CLIC5: variants seen among roughly 807,000 people sequenced by gnomAD.
CLIC5 encodes the protein chloride intracellular channel protein 5.
In CLIC5, 20 loss-of-function variants were observed where a neutral mutation model predicts 24.7. That is an observed-to-expected ratio of 0.81 (90% CI 0.57 to 1.18). CLIC5 has a LOEUF of 1.18. CLIC5 is among the 50% of genes most tolerant of loss of function. The pLI, the probability that CLIC5 is intolerant of heterozygous loss-of-function variation, is 0.00. For synonymous variants in CLIC5, 159 were observed against 135.6 expected (o/e 1.17, Z -1.20); for missense variants, 341 against 326.1 (o/e 1.05, Z -0.35).
At chr6:46,071,464 G>T (rs962321058) in intron 1 of CLIC5, among the ~76,000 whole-genome samples, 6 of 151,776 alleles carry the variant, frequency 4.0e-5, no homozygotes, top group Middle Eastern at 3.4e-3. Context: ...ACATACATGG[G>T]GCCAACAACC....
intron 1 of CLIC5, among the ~76,000 whole-genome samples, chr6:45,960,916 C>T (rs1764823818): frequency 6.6e-6 from 1 of 152,160 alleles, no homozygotes; most frequent in South Asian, 2.1e-4. Flanking sequence ...TTCCCTGGCT[C>T]CTCTCCCTCA....
At chr6:45,978,359 A>T (rs1765455306) in intron 1 of CLIC5, among the ~76,000 whole-genome samples, 1 of 152,182 alleles carries the variant, frequency 6.6e-6, no homozygotes, top group Admixed American at 6.5e-5. Flanking sequence ...ACAATGAGTG[A>T]TTCCTGAGCA....
intron 6 of CLIC5, among the ~76,000 whole-genome samples, chr6:45,892,566 G>A (rs1029153031): frequency 6.6e-6 from 1 of 152,138 alleles, no homozygotes; most frequent in African/African-American, 2.4e-5. Context: ...CTGTGTGGAG[G>A]CATTTCACTG....
intron 1 of CLIC5, among the ~76,000 whole-genome samples, chr6:45,971,932 T>C (rs980572810): frequency 6.6e-6 from 1 of 152,202 alleles, no homozygotes; most frequent in Non-Finnish European, 1.5e-5. Flanking sequence ...TTCTGTAACA[T>C]GAGTTTCTTC....
intron 1 of CLIC5, among the ~76,000 whole-genome samples, chr6:46,063,132 T>C (rs1762338899): frequency 6.6e-6 from 1 of 152,252 alleles, no homozygotes; most frequent in South Asian, 2.1e-4. Context: ...AATATGTTGC[T>C]ATAGCTGTCA....
chr6:46,083,244 T>C (rs561081856), upstream of CLIC5, among the ~76,000 whole-genome samples: 41 of 152,364 alleles, frequency 2.7e-4, no homozygotes, highest in Non-Finnish European at 5.1e-4. Flanking sequence ...GCCATTAATT[T>C]TTTGAAGGGT....
intron 2 of CLIC5, among the ~76,000 whole-genome samples, chr6:45,953,459 G>A (rs1298329366): frequency 6.6e-6 from 1 of 152,110 alleles, no homozygotes; most frequent in Non-Finnish European, 1.5e-5. Flanking sequence ...TGGGGCCAGG[G>A]ACAAGAAGGA....
At chr6:45,997,515 A>G (rs961779729) in intron 1 of CLIC5, among the ~76,000 whole-genome samples, 4 of 90,130 alleles carry the variant, frequency 4.4e-5, no homozygotes, top group African/African-American at 1.7e-4. Context: ...AATAAAAGAA[A>G]AAAAAAAAAA....
chr6:46,080,371 C>T (rs1034989077), upstream of CLIC5: 8 of 675,140 alleles, frequency 1.2e-5, no homozygotes, highest in African/African-American at 7.2e-5. Flanking sequence ...CTAGCAACTG[C>T]TATCAATGAC....
Position 45,913,528 on chromosome 6 carries a change from C to T in CLIC5, c.588+700G>A, listed in dbSNP as rs539281354. On this transcript the variant is annotated intron_variant, in intron 5 of 5. Transcript: ENST00000339561. ...GCAGAGGGCTCCTCGTTCTCAGAGG[C>T]TGCAGTCACAGCTTCACAGAAGCCT... Among the ~76,000 whole-genome samples the T allele has an allele frequency of 9.2e-5, 14 of 152,296 alleles. 1 individual carries two copies. The South Asian group carries it at 2.9e-3, about 32-fold the overall frequency.
intron 1 of CLIC5, among the ~76,000 whole-genome samples, chr6:46,054,055 C>CT (rs1044909241): frequency 6.6e-6 from 1 of 152,094 alleles, no homozygotes; most frequent in Non-Finnish European, 1.5e-5. Context: ...GGAATTGATG[C>CT]TTGGGAAGCT....
intron 1 of CLIC5, among the ~76,000 whole-genome samples, chr6:45,958,050 C>T (rs1453470724): frequency 6.6e-6 from 1 of 152,018 alleles, no homozygotes; most frequent in African/African-American, 2.4e-5. Context: ...TGCATGGGAC[C>T]TTATTGGGAA....
chr6:46,065,609 GA>G (rs1409678553), intron 1 of CLIC5, among the ~76,000 whole-genome samples: 1 of 152,106 alleles, frequency 6.6e-6, no homozygotes, highest in Non-Finnish European at 1.5e-5. Flanking sequence ...ACCAACTGCT[GA>G]TTTACGTACC....
At position 45,955,206 on chromosome 6, in the gene CLIC5, G is replaced by C; in HGVS notation, c.102C>G (p.Phe34Leu). The change falls in exon 2 of 6, where the codon TTC becomes TTG. Residue 34 changes from phenylalanine (F) to leucine (L), a missense_variant. Physicochemically the swap from Phe to Leu is conservative, Grantham distance 22. Coordinates refer to ENST00000339561, the MANE Select transcript of CLIC5 (RefSeq NM_016929.5). The stretch of plus-strand genomic sequence containing the variant: ...AGAGGATCATGAAGAGGCGCTGAGA[G>C]AAAGGACAGTTGCCGATGCTTTCTC... ...IDGESIGNCP[F>L]SQRLFMILWL... is the part of the protein sequence containing the mutation. 6.2e-7 allele frequency: 1 copy of C among 1,614,022 alleles called. No individual in the cohort carries two copies. Among genetic ancestry groups the C allele is most frequent in the Non-Finnish European group, 8.5e-7 (1 of 1,179,902 alleles).
the CLIC5 span, among the ~76,000 whole-genome samples, chr6:46,110,480 G>A: frequency 6.6e-6 from 1 of 152,144 alleles, no homozygotes. Flanking sequence ...GTTTTCTTTT[G>A]TAACAGAATG....
At chr6:46,049,326 G>A (rs1768040708) in intron 1 of CLIC5, among the ~76,000 whole-genome samples, 1 of 152,176 alleles carries the variant, frequency 6.6e-6, no homozygotes, top group Non-Finnish European at 1.5e-5. Flanking sequence ...GCAAGAACTT[G>A]TGATAAAGTT....
chr6:45,888,159 G>T (rs920986016), intron 6 of CLIC5, among the ~76,000 whole-genome samples: 5 of 152,166 alleles, frequency 3.3e-5, no homozygotes, highest in Non-Finnish European at 7.3e-5. Flanking sequence ...GGGTGGGGGG[G>T]ATTTCCTGTG....
the CLIC5 span, among the ~76,000 whole-genome samples, chr6:46,094,347 C>G: frequency 6.6e-6 from 1 of 152,166 alleles, no homozygotes; most frequent in African/African-American, 2.4e-5. Flanking sequence ...CATTCCAGCA[C>G]TAACTCAAAA....
chr6:46,022,668 G>T (rs1767216808), intron 1 of CLIC5, among the ~76,000 whole-genome samples: 1 of 152,160 alleles, frequency 6.6e-6, no homozygotes, highest in East Asian at 1.9e-4. Flanking sequence ...TCTGTCTATT[G>T]GTGCTTAGCA....
Sources: gnomAD v4.1 joint callset for allele counts (sites outside exome capture counted in the v4.1 genomes callset) on GRCh38, gnomAD v4.1.1 for gene constraint, MANE v1.5 for transcripts, NCBI Gene and HGNC (gene_info 2026-07-23, HGNC 2026-07-21) for gene names.